The following SMG6 variants were observed in gnomAD, a reference collection of about 807,000 sequenced individuals.
The protein encoded by SMG6 is telomerase-binding protein EST1A.
SMG6 carries 66 observed loss-of-function variants against 142.2 expected under a neutral mutation model. That is an observed-to-expected ratio of 0.46 (90% CI 0.38 to 0.57). The LOEUF (loss-of-function observed/expected upper bound fraction) is 0.57. Among genes scored for constraint, SMG6 ranks in the 20% least tolerant of loss-of-function variants. The pLI is 0.00. For synonymous variants in SMG6, 779 were observed against 702.4 expected, an observed-to-expected ratio of 1.11 and a Z score of -1.72; for missense variants, 1,793 against 1,832.0, an observed-to-expected ratio of 0.98 and a Z score of 0.39.
At chr17:2,291,056 G>A (rs1183537035) in intron 6 of SMG6, among the ~76,000 whole-genome samples, 1 of 152,202 alleles carries the variant, frequency 6.6e-6, no homozygotes, top group African/African-American at 2.4e-5. Context: ...ACATGGCCAG[G>A]TGCGGTGGCT....
intron 13 of SMG6, among the ~76,000 whole-genome samples, chr17:2,138,198 C>T (rs1044683657): frequency 1.4e-4 from 21 of 151,266 alleles, no homozygotes; most frequent in Admixed American, 6.6e-4. Flanking sequence ...AAAAAATATA[C>T]GGTAAAGGTA....
chr17:2,259,824 G>A (rs2074273895), intron 8 of SMG6, among the ~76,000 whole-genome samples: 1 of 152,144 alleles, frequency 6.6e-6, no homozygotes, highest in African/African-American at 2.4e-5. Context: ...TCAGGAAAGG[G>A]AGGAGCACGA....
At chr17:2,112,580 G>A (rs1013216077) in intron 13 of SMG6, among the ~76,000 whole-genome samples, 4 of 149,406 alleles carry the variant, frequency 2.7e-5, no homozygotes, top group African/African-American at 4.9e-5. Flanking sequence ...AAAGGCAATG[G>A]TCTGTTCCAA....
chr17:2,293,263 T>C (rs1430091017), intron 4 of SMG6, among the ~76,000 whole-genome samples: 1 of 152,130 alleles, frequency 6.6e-6, no homozygotes, highest in Non-Finnish European at 1.5e-5. Flanking sequence ...AGAAAATATT[T>C]TGATATTAGT....
chr17:2,218,611 C>T (rs1019760948), intron 10 of SMG6, among the ~76,000 whole-genome samples: 1 of 152,132 alleles, frequency 6.6e-6, no homozygotes, highest in African/African-American at 2.4e-5. Flanking sequence ...ACCAACAAGA[C>T]TACTCACCTA....
intron 16 of SMG6, chr17:2,066,071 A>C: frequency 1.3e-5 from 3 of 227,752 alleles, no homozygotes; most frequent in South Asian, 6.5e-5. Context: ...TCCTTCCTTA[A>C]CTCCTTGGGC....
chr17:2,188,578 G>A (rs901083407), intron 10 of SMG6, 63 bp from the exon 11 acceptor site: 19 of 1,414,392 alleles, frequency 1.3e-5, no homozygotes, highest in East Asian at 6.9e-5. Context: ...CACTGGCCAC[G>A]TTACCGAGCT....
intron 10 of SMG6, among the ~76,000 whole-genome samples, chr17:2,223,838 A>T (rs1457551875): frequency 1.3e-5 from 2 of 152,218 alleles, no homozygotes; most frequent in Non-Finnish European, 2.9e-5. Flanking sequence ...AAAAGAAACT[A>T]ATCTTTGGAA....
chr17:2,067,278 C>A (rs181550177), intron 16 of SMG6, among the ~76,000 whole-genome samples: 1 of 152,314 alleles, frequency 6.6e-6, no homozygotes, highest in Non-Finnish European at 1.5e-5. Flanking sequence ...CTGCCTTTCA[C>A]CGGATCAAGA....
chr17:2,114,080 C>T (rs2069423980), intron 13 of SMG6, among the ~76,000 whole-genome samples: 1 of 152,008 alleles, frequency 6.6e-6, no homozygotes, highest in Non-Finnish European at 1.5e-5. Flanking sequence ...CCAGCCTGGC[C>T]AACATGGCGA....
intron 8 of SMG6, among the ~76,000 whole-genome samples, chr17:2,277,414 C>T (rs1199353714): frequency 6.6e-6 from 1 of 152,088 alleles, no homozygotes; most frequent in African/African-American, 2.4e-5. Flanking sequence ...GATCCGCCCG[C>T]GTTGGCCTCC....
chr17:2,292,708 T>A, intron 5 of SMG6, 78 bp from the exon 6 acceptor site: 1 of 1,544,744 alleles, frequency 6.5e-7, no homozygotes. Context: ...CCCTAATACT[T>A]AAAACATAAG....
chr17:2,198,181 C>T (rs781561883), intron 10 of SMG6, among the ~76,000 whole-genome samples: 1 of 152,130 alleles, frequency 6.6e-6, no homozygotes, highest in African/African-American at 2.4e-5. Context: ...ACAACCAATA[C>T]GTGCAGTGAG....
At chr17:2,112,086 C>T (rs1185819376) in intron 13 of SMG6, among the ~76,000 whole-genome samples, 5 of 151,970 alleles carry the variant, frequency 3.3e-5, no homozygotes, top group African/African-American at 7.3e-5. Flanking sequence ...TGATTTATCC[C>T]CTCCCCCTCC....
intron 10 of SMG6, among the ~76,000 whole-genome samples, chr17:2,232,500 T>G (rs1162684487): frequency 6.6e-6 from 1 of 152,152 alleles, no homozygotes. Context: ...CCAGAACTGT[T>G]GCCTTCTTCA....
At chr17:2,222,311 G>A (rs1231206) in intron 10 of SMG6, among the ~76,000 whole-genome samples, 55,119 of 151,540 alleles carry the variant, frequency 0.36, 10,261 homozygotes, top group Middle Eastern at 0.43. Flanking sequence ...TAGGATGGTT[G>A]GGGCAGGTCT....
intron 12 of SMG6, among the ~76,000 whole-genome samples, chr17:2,173,803 G>A (rs2151656193): frequency 6.6e-6 from 1 of 150,916 alleles, no homozygotes; most frequent in African/African-American, 2.4e-5. Flanking sequence ...AATCGACTGT[G>A]GGTCAGATTC....
intron 13 of SMG6, among the ~76,000 whole-genome samples, chr17:2,117,001 T>C (rs1210666515): frequency 6.6e-6 from 1 of 151,496 alleles, no homozygotes; most frequent in East Asian, 1.9e-4. Context: ...GAAATGCAAA[T>C]TAAAATCACA....
intron 13 of SMG6, among the ~76,000 whole-genome samples, chr17:2,140,932 T>G (rs1027736233): frequency 1.3e-5 from 2 of 152,222 alleles, no homozygotes; most frequent in African/African-American, 4.8e-5. Context: ...CACCCTCAAC[T>G]GTTTATGATT....
Sources: allele counts gnomAD v4.1 joint callset (sites outside exome capture counted in the v4.1 genomes callset), GRCh38; gene constraint gnomAD v4.1.1; transcripts MANE v1.5; gene names NCBI Gene and HGNC (gene_info 2026-07-23, HGNC 2026-07-21).